The following DNAJC17 variants were observed in gnomAD, a reference collection of about 807,000 sequenced individuals.
The protein encoded by DNAJC17 is dnaJ homolog subfamily C member 17.
A neutral mutation model predicts 48.1 loss-of-function variants in DNAJC17; 35 were observed. That is an observed-to-expected ratio of 0.73 (90% CI 0.56 to 0.96). The LOEUF (loss-of-function observed/expected upper bound fraction) is 0.96. DNAJC17 is among the 50% of genes least tolerant of loss of function. The probability of loss-of-function intolerance (pLI) is 0.00; values close to 1 mark genes in which losing one functional copy is unlikely to be tolerated. For missense variants in DNAJC17, 355 were observed against 377.1 expected (o/e 0.94, Z 0.48); for synonymous variants, 117 against 142.7 (o/e 0.82, Z 1.28).
chr15:40,770,615 T>C lies in DNAJC17; in HGVS notation c.793-2553A>G. The stretch of plus-strand genomic sequence containing the variant: ...TGCTTAGCCAGGCCAGCACAGCAGG[T>C]GGGGACCACGAGGAGTACAGCAACC... On this transcript the variant is annotated intron_variant, in intron 10 of 10. Coordinates refer to ENST00000220496, the MANE Select transcript of DNAJC17 (RefSeq NM_018163.3). The surrounding 1 kb of genome is among the most constrained non-coding windows in gnomAD (Gnocchi z 5.0). 6.4e-7 allele frequency: 1 copy of C among 1,550,558 alleles called. No homozygotes were observed. Among genetic ancestry groups the C allele is most frequent in the Non-Finnish European group, 8.7e-7 (1 of 1,146,960 alleles).
chr15:40,780,345 C>A, intron 1 of DNAJC17: 1 of 491,468 alleles, frequency 2.0e-6, no homozygotes, highest in Non-Finnish European at 4.0e-6. Flanking sequence ...TAAACTGGGG[C>A]AACCTATCTG....
intron 2 of DNAJC17, 25 bp from the exon 3 acceptor site, chr15:40,779,628 G>A: frequency 1.9e-6 from 3 of 1,609,100 alleles, no homozygotes; most frequent in Non-Finnish European, 8.5e-7. Context: ...CAAAAAGACA[G>A]AAGAAAAATA....
At chr15:40,781,921 C>CA (rs959010636) in intron 1 of DNAJC17, among the ~76,000 whole-genome samples, 41 of 147,392 alleles carry the variant, frequency 2.8e-4, no homozygotes, top group Admixed American at 4.8e-4. Context: ...GACTCTGTCT[C>CA]AAAAAAAAAA....
intron 1 of DNAJC17, among the ~76,000 whole-genome samples, chr15:40,806,580 G>A (rs758315147): frequency 2.2e-4 from 33 of 152,246 alleles, no homozygotes; most frequent in Non-Finnish European, 3.4e-4. Context: ...CTGTCGCCCA[G>A]GATGGAGTGC....
chr15:40,778,883 G>C (rs34383433), intron 4 of DNAJC17, among the ~76,000 whole-genome samples: 3 of 151,998 alleles, frequency 2.0e-5, no homozygotes, highest in African/African-American at 7.2e-5. Context: ...GCAGTGAGCC[G>C]AGATCATGCC....
At position 40,765,590 on chromosome 15, in the gene DNAJC17, T is replaced by C. The variant is rs182571870; in HGVS notation, c.*2350A>G. The C allele has an allele frequency of 5.9e-6, 2 of 338,608 alleles. No individual in the cohort carries two copies. Among genetic ancestry groups the C allele is most frequent in the Non-Finnish European group, 1.1e-5 (2 of 188,028 alleles). 21.0% of individuals were successfully genotyped at this position (338,608 alleles called of 1,614,324 possible). A position where few individuals can be genotyped will look rare whatever the true frequency, so the allele number is the denominator to read the frequency against. On this transcript the variant is annotated 3_prime_UTR_variant, in exon 11 of 11. Coordinates refer to ENST00000220496, the MANE Select transcript of DNAJC17 (RefSeq NM_018163.3). ...AGCTGGAACTATAGGCTCGTGATACTTTGCCTGGCTAAAGCTGAGCTTTAA... is the reference window on the plus strand; with the variant it reads ...AGCTGGAACTATAGGCTCGTGATACCTTGCCTGGCTAAAGCTGAGCTTTAA...
chr15:40,791,335 C>T (rs1031072769), intron 1 of DNAJC17, among the ~76,000 whole-genome samples: 5 of 152,084 alleles, frequency 3.3e-5, no homozygotes, highest in Admixed American at 3.3e-4. Flanking sequence ...TGAGACCAGC[C>T]TGGCCAACAT....
chr15:40,798,996 G>A (rs994797084), intron 1 of DNAJC17, among the ~76,000 whole-genome samples: 1 of 152,058 alleles, frequency 6.6e-6, no homozygotes, highest in Non-Finnish European at 1.5e-5. Context: ...GAGGCGGGCG[G>A]ATCACGAGGT....
intron 1 of DNAJC17, among the ~76,000 whole-genome samples, chr15:40,783,890 T>C (rs932749358): frequency 3.9e-5 from 6 of 151,956 alleles, no homozygotes; most frequent in African/African-American, 1.5e-4. Context: ...GTTTGTATGT[T>C]CCTTGTTATA....
chr15:40,771,842 T>G (rs997920219), intron 10 of DNAJC17: 2 of 166,784 alleles, frequency 1.2e-5, no homozygotes, highest in African/African-American at 4.8e-5. Context: ...AAGAGATAGG[T>G]AGAGATAGAG....
At position 40,767,770 on chromosome 15, in the gene DNAJC17, T is replaced by A; in HGVS notation, c.*170A>T. ...ACTCTCACCCTGCGGAGCGTTTCCC[T>A]GGGGGTCTGCCCACTTCCTGGGAGG... On this transcript the variant is annotated 3_prime_UTR_variant, in exon 11 of 11. Transcript: ENST00000220496. 1 of 953,864 alleles carries A rather than the reference T, an allele frequency of 1.0e-6. No individual in the cohort carries two copies. 59.1% of individuals were successfully genotyped at this position (953,864 alleles called of 1,614,324 possible). A position where few individuals can be genotyped will look rare whatever the true frequency, so the allele number is the denominator to read the frequency against.
Position 40,769,282 on chromosome 15 carries a change from G to A in DNAJC17, c.793-1220C>T, listed in dbSNP as rs569811321. Among the ~76,000 whole-genome samples, 24 of 152,306 alleles carry A rather than the reference G, an allele frequency of 1.6e-4. No homozygotes were observed. The highest frequency in any genetic ancestry group is 4.1e-4 in the South Asian group (2 of 4,824). ...AGAAGGAGGACCCCAGAGGAAGCCC[G>A]GTAGCCAGAGGGGAAGGGCTGGAGC... On this transcript the variant is annotated intron_variant, in intron 10 of 10. Transcript: ENST00000220496. The surrounding 1 kb of genome is among the most constrained non-coding windows in gnomAD (Gnocchi z 4.2).
At chr15:40,801,968 C>CA (rs1351863167) in intron 1 of DNAJC17, among the ~76,000 whole-genome samples, 4 of 151,798 alleles carry the variant, frequency 2.6e-5, no homozygotes, top group Non-Finnish European at 5.9e-5. Context: ...GTGGTGGAGA[C>CA]AGAGAGGGTG....
At chr15:40,789,922 A>AAAAG (rs1889750214) in intron 1 of DNAJC17, among the ~76,000 whole-genome samples, 1 of 149,876 alleles carries the variant, frequency 6.7e-6, no homozygotes, top group Non-Finnish European at 1.5e-5. Flanking sequence ...AAAAAAAAAA[A>AAAAG]AAAAAAAAAG....
chr15:40,779,893 G>T, intron 2 of DNAJC17, 35 bp downstream of exon 2: 1 of 1,605,082 alleles, frequency 6.2e-7, no homozygotes, highest in Non-Finnish European at 8.5e-7. Context: ...GGGTGAGTGG[G>T]TTTCTTTCTC....
chr15:40,807,070 AGG>A, intron 1 of DNAJC17: 1 of 622,994 alleles, frequency 1.6e-6, no homozygotes, highest in South Asian at 2.1e-5. Context: ...GAGACTGCGC[AGG>A]CGCAGAGGAG....
In DNAJC17 at chr15:40,766,197, T is replaced by G; in HGVS notation, c.*1743A>C. 7.6e-6 allele frequency: 2 copies of G among 262,404 alleles called. No individual in the cohort carries two copies. The highest frequency in any genetic ancestry group is 2.2e-5 in the African/African-American group (1 of 45,400). The allele number at this position is 262,404 out of a possible 1,614,324, so 16.3% of individuals were successfully genotyped here. A position where few individuals can be genotyped will look rare whatever the true frequency, so the allele number is the denominator to read the frequency against. On this transcript the variant is annotated 3_prime_UTR_variant, in exon 11 of 11. Coordinates refer to ENST00000220496, the MANE Select transcript of DNAJC17 (RefSeq NM_018163.3). ...GGTCTAGGACTCCACTAGCAGACTG[T>G]TCCTTGCCCTGCCCTCTCCTAAGCT... is the stretch of plus-strand genomic sequence containing the variant.
At chr15:40,806,562 G>A (rs1343871321) in intron 1 of DNAJC17, among the ~76,000 whole-genome samples, 1 of 152,072 alleles carries the variant, frequency 6.6e-6, no homozygotes, top group Non-Finnish European at 1.5e-5. Flanking sequence ...TTGAGAAAGA[G>A]TCTTGCTCTG....
At chr15:40,807,134 G>A (rs771408995) in intron 1 of DNAJC17, 37 of 1,043,342 alleles carry the variant, frequency 3.5e-5, no homozygotes, top group South Asian at 6.7e-5. Context: ...CAGGGGCCAC[G>A]GGGAGAGCAC....
Sources: gnomAD v4.1 joint callset for allele counts (sites outside exome capture counted in the v4.1 genomes callset) on GRCh38, gnomAD v4.1.1 for gene constraint, Gnocchi (gnomAD v3.1) non-coding constraint, MANE v1.5 for transcripts, NCBI Gene and HGNC (gene_info 2026-07-23, HGNC 2026-07-21) for gene names.